SNX16: variants seen among roughly 807,000 people sequenced by gnomAD.
SNX16 encodes the protein sorting nexin-16.
SNX16 carries 35 observed loss-of-function variants against 36.7 expected under a neutral mutation model. The ratio of observed to expected loss-of-function variants is 0.95; its 90% CI spans 0.73 to 1.27. SNX16 has a LOEUF of 1.27. Ranked by LOEUF, SNX16 falls within the 50% of genes most tolerant of loss-of-function variation. The pLI, the probability that SNX16 is intolerant of heterozygous loss-of-function variation, is 0.00. For missense variants in SNX16, 367 were observed against 393.6 expected (o/e 0.93, Z 0.57); for synonymous variants, 134 against 132.0 (o/e 1.02, Z -0.10).
At chr8:81,819,769 C>T (rs1198225215) in intron 4 of SNX16, among the ~76,000 whole-genome samples, 1 of 152,026 alleles carries the variant, frequency 6.6e-6, no homozygotes, top group Non-Finnish European at 1.5e-5. Flanking sequence ...TGCATCCTTA[C>T]TTTGAACTTT....
At chr8:81,805,509 A>C (rs866289893) in intron 5 of SNX16, among the ~76,000 whole-genome samples, 1 of 152,216 alleles carries the variant, frequency 6.6e-6, no homozygotes, top group Non-Finnish European at 1.5e-5. Context: ...TGGTTCTTTG[A>C]GAAGACTATT....
chr8:81,833,391 T>C (rs1407856594), intron 2 of SNX16, among the ~76,000 whole-genome samples: 1 of 142,870 alleles, frequency 7.0e-6, no homozygotes, highest in Non-Finnish European at 1.6e-5. Context: ...TCCTTTAGCT[T>C]TGAAGTTTAA....
intron 3 of SNX16, among the ~76,000 whole-genome samples, chr8:81,824,357 TAA>T (rs1354842006): frequency 6.6e-6 from 1 of 152,220 alleles, no homozygotes; most frequent in Non-Finnish European, 1.5e-5. Context: ...GCCTAAGTTA[TAA>T]GAGTTCTTTA....
chr8:81,830,602 G>C (rs368432428), intron 2 of SNX16, among the ~76,000 whole-genome samples: 1 of 129,328 alleles, frequency 7.7e-6, no homozygotes, highest in Non-Finnish European at 1.7e-5. Context: ...AAAAAAAAAA[G>C]AGAAATCACA....
chr8:81,809,041 T>C (rs1027048884), intron 5 of SNX16, among the ~76,000 whole-genome samples: 2 of 152,182 alleles, frequency 1.3e-5, no homozygotes, highest in African/African-American at 2.4e-5. Context: ...ATAGTCTGAT[T>C]GTGATACTGA....
chr8:81,821,378 T>C (rs887330692), intron 4 of SNX16, among the ~76,000 whole-genome samples: 18 of 151,982 alleles, frequency 1.2e-4, no homozygotes, highest in Admixed American at 5.3e-4. Context: ...AGAATACATT[T>C]GATTTTAATT....
At chr8:81,802,958 C>T in intron 6 of SNX16, 134 bp downstream of exon 6, 1 of 739,172 alleles carries the variant, frequency 1.4e-6, no homozygotes, top group Non-Finnish European at 2.0e-6. Flanking sequence ...ATAATTTTCC[C>T]AATGAAGTAT....
intron 4 of SNX16, among the ~76,000 whole-genome samples, chr8:81,820,374 T>G (rs1323372062): frequency 6.6e-6 from 1 of 152,100 alleles, no homozygotes; most frequent in Non-Finnish European, 1.5e-5. Context: ...CAGAGATAGT[T>G]AAAATCTTGG....
At chr8:81,803,375 C>T (rs923165505) in intron 5 of SNX16, 147 bp from the exon 6 acceptor site, 9 of 853,608 alleles carry the variant, frequency 1.1e-5, no homozygotes, top group Non-Finnish European at 1.6e-5. Context: ...ATGATTTGTT[C>T]TCTACCCTCA....
At chr8:81,820,268 C>G (rs1010648101) in intron 4 of SNX16, among the ~76,000 whole-genome samples, 1 of 151,924 alleles carries the variant, frequency 6.6e-6, no homozygotes, top group Non-Finnish European at 1.5e-5. Flanking sequence ...AAAAATGAGA[C>G]AATCTTCTTT....
At position 81,801,350 on chromosome 8, in the gene SNX16, A is replaced by T. The variant is rs1275188516; in HGVS notation, c.*147T>A. 6.9e-6 allele frequency: 3 copies of T among 433,356 alleles called. No homozygotes were observed. The highest frequency in any genetic ancestry group is 6.1e-5 in the African/African-American group (3 of 49,058). The allele number at this position is 433,356 out of a possible 1,614,324, so 26.8% of individuals were successfully genotyped here. On this transcript the variant is annotated 3_prime_UTR_variant, in exon 8 of 8. Coordinates refer to ENST00000345957, the MANE Select transcript of SNX16 (RefSeq NM_152836.3). ...AATATATTTCCTATCTCAATAACTTAAAAAAACTTCTTTATGTAAACTTTA... is the reference window on the plus strand; with the variant it reads ...AATATATTTCCTATCTCAATAACTTTAAAAAACTTCTTTATGTAAACTTTA...
At chr8:81,824,070 C>A in intron 3 of SNX16, 130 bp from the exon 4 acceptor site, 1 of 817,634 alleles carries the variant, frequency 1.2e-6, no homozygotes, top group Non-Finnish European at 1.8e-6. Context: ...TTCAGTTAAG[C>A]TTTTTATGCC....
chr8:81,827,294 A>G (rs966481302), intron 3 of SNX16, among the ~76,000 whole-genome samples: 3 of 152,102 alleles, frequency 2.0e-5, no homozygotes, highest in African/African-American at 7.2e-5. Context: ...ATAACAGTAT[A>G]GTCTGAAAAG....
intron 4 of SNX16, among the ~76,000 whole-genome samples, chr8:81,821,044 G>A (rs867015969): frequency 6.6e-6 from 1 of 150,428 alleles, no homozygotes; most frequent in Middle Eastern, 3.4e-3. Context: ...TTGAATTGAG[G>A]TTATCTTCCT....
intron 5 of SNX16, among the ~76,000 whole-genome samples, chr8:81,811,206 T>C (rs376763319): frequency 3.7e-4 from 57 of 152,288 alleles, no homozygotes; most frequent in Middle Eastern, 6.8e-3. Flanking sequence ...GACAAAATGG[T>C]AGCCGAAAGG....
intron 3 of SNX16, among the ~76,000 whole-genome samples, chr8:81,826,494 A>G (rs1436977803): frequency 6.6e-6 from 1 of 152,134 alleles, no homozygotes; most frequent in Non-Finnish European, 1.5e-5. Flanking sequence ...AATTTTAAAT[A>G]GAATTTAGAA....
chr8:81,833,412 C>T lies in SNX16; in HGVS notation c.376-3896G>A, dbSNP rs138095764. Among the ~76,000 whole-genome samples the T allele has an allele frequency of 2.5e-3, 374 of 148,722 alleles. 2 individuals carry two copies. Among genetic ancestry groups the T allele is most frequent in the Middle Eastern group, 7.0e-3 (2 of 286 alleles). On this transcript the variant is annotated intron_variant, in intron 2 of 7. Transcript: ENST00000345957. ...AGCTTTGAAGTTTAAAAAAATAAAG[C>T]AATTTATCTTTGTAACATCTAAGGG...
chr8:81,839,748 G>C lies in SNX16; in HGVS notation c.239C>G (p.Thr80Arg). ...AGTAGAATACTCAATGGAAGAAGCTGTACCTGTAAATTTAGTCCTAATGAG... is the reference window on the plus strand; with the variant it reads ...AGTAGAATACTCAATGGAAGAAGCTCTACCTGTAAATTTAGTCCTAATGAG... ...SPLIRTKFTG[T>R]ASSIEYSTRP... is the part of the protein sequence containing the mutation. The change falls in exon 2 of 8, where the codon ACA becomes AGA. Residue 80 changes from threonine (T) to arginine (R), a missense_variant. Transcript: ENST00000345957. 6.2e-7 allele frequency: 1 copy of C among 1,613,958 alleles called. No homozygotes were observed. The highest frequency in any genetic ancestry group is 8.5e-7 in the Non-Finnish European group (1 of 1,179,894).
In SNX16 at chr8:81,823,952, G is replaced by T; in HGVS notation, c.463-12C>A. On this transcript the variant is annotated splice_polypyrimidine_tract_variant and intron_variant, in intron 3 of 7. Transcript: ENST00000345957. The stretch of plus-strand genomic sequence containing the variant: ...AACATCTCTTTTAACTGAAAAAGAA[G>T]AAAAGAGCAAATACAATGTTTAACT... The T allele has an allele frequency of 6.2e-7, 1 of 1,601,520 alleles. No individual in the cohort carries two copies. Among genetic ancestry groups the T allele is most frequent in the Non-Finnish European group, 8.5e-7 (1 of 1,175,888 alleles).
Sources: gnomAD v4.1 joint callset for allele counts (sites outside exome capture counted in the v4.1 genomes callset) on GRCh38, gnomAD v4.1.1 for gene constraint, MANE v1.5 for transcripts, NCBI Gene and HGNC (gene_info 2026-07-23, HGNC 2026-07-21) for gene names.